Variants in SORCS3 observed in about 807,000 individuals in gnomAD.
The protein encoded by SORCS3 is sortilin related VPS10 domain containing receptor 3, also known as VPS10 domain-containing receptor SorCS3.
In SORCS3, 57 loss-of-function variants were observed where a neutral mutation model predicts 146.3. The observed-to-expected ratio is 0.39, with a 90% confidence interval of 0.31 to 0.49. The LOEUF is 0.49. Ranked by LOEUF, SORCS3 falls within the 20% of genes least tolerant of loss-of-function variation. The pLI, the probability that SORCS3 is intolerant of heterozygous loss-of-function variation, is 0.92. For missense variants in SORCS3, 1,341 were observed against 1,575.5 expected, an observed-to-expected ratio of 0.85 and a Z score of 2.52; for synonymous variants, 653 against 618.5, an observed-to-expected ratio of 1.06 and a Z score of -0.83.
At chr10:105,039,725 G>T (rs545944415) in intron 4 of SORCS3, among the ~76,000 whole-genome samples, 1 of 152,170 alleles carries the variant, frequency 6.6e-6, no homozygotes, top group South Asian at 2.1e-4. Context: ...AAAGTGCTGG[G>T]ATTATAGGCA....
chr10:104,709,647 C>T (rs1407226233), intron 1 of SORCS3, among the ~76,000 whole-genome samples: 2 of 152,170 alleles, frequency 1.3e-5, no homozygotes, highest in South Asian at 2.1e-4. Flanking sequence ...GTTTAGGAAA[C>T]ATTACAAGGT....
intron 4 of SORCS3, among the ~76,000 whole-genome samples, chr10:105,006,100 C>T (rs570143849): frequency 6.6e-6 from 1 of 152,204 alleles, no homozygotes; most frequent in Non-Finnish European, 1.5e-5. Context: ...TGCCATCACA[C>T]CCAGCTAATT....
chr10:104,813,253 C>T lies in SORCS3; in HGVS notation c.628-29539C>T, dbSNP rs534403660. ...AAGTGACCAGACAGTTCCCACGACC[C>T]GTTCATCATCTGCTAAGGGTGTTTG... On this transcript the variant is annotated intron_variant, in intron 1 of 26. Coordinates refer to ENST00000369701, the MANE Select transcript of SORCS3 (RefSeq NM_014978.3). 5.3e-5 allele frequency among the ~76,000 whole-genome samples: 8 copies of T among 152,302 alleles called. No homozygotes were observed. In the South Asian group the frequency reaches 1.5e-3, roughly 28 times the overall value.
At position 104,641,595 on chromosome 10, in the gene SORCS3, C is replaced by T. The variant is rs2015417076; in HGVS notation, c.268C>T (p.Leu90=). Residue 90 remains leucine, a synonymous_variant, in exon 1 of 27, where the codon CTG becomes TTG. Coordinates refer to ENST00000369701, the MANE Select transcript of SORCS3 (RefSeq NM_014978.3). This position sits in a 1 kb window ranked among gnomAD's most constrained non-coding sequence, Gnocchi z 6.4. ...VLGRRAGPEL[L]PQQGGGRGGE... is the part of the protein sequence containing the mutation. The stretch of plus-strand genomic sequence containing the variant: ...GGGGCGCCGGGCCGGACCAGAGCTG[C>T]TGCCCCAGCAGGGCGGCGGCAGAGG... The T allele has an allele frequency of 6.6e-7, 1 of 1,513,776 alleles. No homozygotes were observed. Among genetic ancestry groups the T allele is most frequent in the South Asian group, 1.2e-5 (1 of 81,478 alleles). 93.8% of individuals were successfully genotyped at this position (1,513,776 alleles called of 1,614,324 possible).
chr10:105,248,913 T>G (rs1015405823), intron 22 of SORCS3, among the ~76,000 whole-genome samples: 1 of 152,152 alleles, frequency 6.6e-6, no homozygotes, highest in Non-Finnish European at 1.5e-5. Flanking sequence ...TGAAAAGTAT[T>G]CTTTTTTTTA....
chr10:104,940,240 T>TATA (rs1564717987), intron 3 of SORCS3, among the ~76,000 whole-genome samples: 16 of 10,274 alleles, frequency 1.6e-3, no homozygotes, highest in Non-Finnish European at 2.6e-3. Flanking sequence ...ATATATATAT[T>TATA]TTTTTTTTTT....
chr10:105,065,405 C>T (rs1202300481), intron 5 of SORCS3, among the ~76,000 whole-genome samples: 1 of 149,266 alleles, frequency 6.7e-6, no homozygotes, highest in South Asian at 2.2e-4. Flanking sequence ...ATTGCATTTA[C>T]AAAAAAAAAA....
intron 6 of SORCS3, among the ~76,000 whole-genome samples, chr10:105,102,780 C>CTTTTTT (rs1183026265): frequency 2.2e-5 from 2 of 92,522 alleles, no homozygotes; most frequent in Non-Finnish European, 2.1e-5. Context: ...ACCTCTCAAC[C>CTTTTTT]TTTTTTTTTT....
intron 4 of SORCS3, among the ~76,000 whole-genome samples, chr10:104,988,358 C>A (rs2054974318): frequency 6.6e-6 from 1 of 152,124 alleles, no homozygotes; most frequent in Non-Finnish European, 1.5e-5. Context: ...TCAAATGAAT[C>A]CAGTGGTTCT....
At chr10:105,194,761 A>G (rs2056535143) in intron 14 of SORCS3, among the ~76,000 whole-genome samples, 2 of 152,190 alleles carry the variant, frequency 1.3e-5, no homozygotes, top group South Asian at 2.1e-4. Context: ...TTCACCAAAG[A>G]TACAGGAAAT....
intron 4 of SORCS3, among the ~76,000 whole-genome samples, chr10:105,003,533 G>C (rs2055073870): frequency 6.6e-6 from 1 of 152,074 alleles, no homozygotes; most frequent in African/African-American, 2.4e-5. Flanking sequence ...TTTGTGTTGT[G>C]CAATTCGAAG....
intron 1 of SORCS3, among the ~76,000 whole-genome samples, chr10:104,726,696 C>G (rs2016639170): frequency 6.6e-6 from 1 of 152,086 alleles, no homozygotes. Flanking sequence ...TCTGTTGTCA[C>G]TGGGACTTCA....
At chr10:104,821,424 A>AC (rs2017871682) in intron 1 of SORCS3, among the ~76,000 whole-genome samples, 1 of 152,140 alleles carries the variant, frequency 6.6e-6, no homozygotes, top group Non-Finnish European at 1.5e-5. Flanking sequence ...CAGGAAGAGA[A>AC]CATGTGCACA....
At chr10:105,241,470 T>C (rs979577442) in intron 20 of SORCS3, among the ~76,000 whole-genome samples, 1 of 152,214 alleles carries the variant, frequency 6.6e-6, no homozygotes, top group African/African-American at 2.4e-5. Context: ...AGCAGCTCAG[T>C]TGGCCCCTTG....
Position 104,641,363 on chromosome 10 carries a change from G to A in SORCS3, c.36G>A (p.Arg12=). 1.4e-6 allele frequency: 2 copies of A among 1,409,788 alleles called. No individual in the cohort carries two copies. Among genetic ancestry groups the A allele is most frequent in the Non-Finnish European group, 1.8e-6 (2 of 1,085,768 alleles). The allele number at this position is 1,409,788 out of a possible 1,614,324, so 87.3% of individuals were successfully genotyped here. Residue 12 remains arginine, a synonymous_variant, in exon 1 of 27, where the codon AGG becomes AGA. Transcript: ENST00000369701. This position sits in a 1 kb window ranked among gnomAD's most constrained non-coding sequence, Gnocchi z 6.4. The part of the protein sequence containing the change: ...EAARTERPAG[R]PGAPLVRTGL... ...CGCGCACGGAGCGCCCCGCAGGCAGGCCGGGGGCGCCGCTTGTCCGGACGG... is the reference window on the plus strand; with the variant it reads ...CGCGCACGGAGCGCCCCGCAGGCAGACCGGGGGCGCCGCTTGTCCGGACGG...
chr10:104,655,903 G>A (rs2015624117), intron 1 of SORCS3, among the ~76,000 whole-genome samples: 1 of 152,202 alleles, frequency 6.6e-6, no homozygotes, highest in Non-Finnish European at 1.5e-5. Context: ...ACAGCCTGCA[G>A]AACCATGAGC....
chr10:105,234,941 T>C (rs769530191), intron 20 of SORCS3, among the ~76,000 whole-genome samples: 17 of 152,106 alleles, frequency 1.1e-4, no homozygotes, highest in Non-Finnish European at 1.8e-4. Flanking sequence ...CTGGACATGA[T>C]ATACTGGTTT....
At chr10:104,746,215 C>A (rs1356133248) in intron 1 of SORCS3, among the ~76,000 whole-genome samples, 1 of 151,362 alleles carries the variant, frequency 6.6e-6, no homozygotes, top group African/African-American at 2.4e-5. Flanking sequence ...CGGCTCACTG[C>A]AAGCTCCGCC....
chr10:104,867,894 T>A (rs912410514), intron 2 of SORCS3, among the ~76,000 whole-genome samples: 1 of 152,230 alleles, frequency 6.6e-6, no homozygotes, highest in Non-Finnish European at 1.5e-5. Context: ...CCATCAATGT[T>A]AAAGACCCTT....
Sources: gnomAD v4.1 joint callset for allele counts (sites outside exome capture counted in the v4.1 genomes callset) on GRCh38, gnomAD v4.1.1 for gene constraint, Gnocchi (gnomAD v3.1) non-coding constraint, MANE v1.5 for transcripts, NCBI Gene and HGNC (gene_info 2026-07-23, HGNC 2026-07-21) for gene names.